CCDC171: variants seen among roughly 807,000 people sequenced by gnomAD.
CCDC171 encodes coiled-coil domain containing 171.
CCDC171 carries 177 observed loss-of-function variants against 168.2 expected under a neutral mutation model. The observed-to-expected ratio is 1.05, with a 90% CI of 0.93 to 1.19. CCDC171 has a LOEUF of 1.19. Ranked by LOEUF, CCDC171 falls within the 50% of genes most tolerant of loss-of-function variation. CCDC171 has a pLI of 0.00. For synonymous variants in CCDC171, 687 were observed against 540.8 expected (o/e 1.27, Z -3.75); for missense variants, 1,991 against 1,539.0 (o/e 1.29, Z -4.91).
intron 2 of CCDC171, among the ~76,000 whole-genome samples, chr9:15,568,550 G>T (rs146900939): frequency 6.6e-6 from 1 of 152,162 alleles, no homozygotes; most frequent in Non-Finnish European, 1.5e-5. Flanking sequence ...GATTACAGGC[G>T]TGAGCCACCG....
At chr9:15,988,669 C>A (rs1480127618) in intron 3 of CCDC171, among the ~76,000 whole-genome samples, 1 of 152,210 alleles carries the variant, frequency 6.6e-6, no homozygotes, top group East Asian at 1.9e-4. Context: ...CAGGGAATTC[C>A]CTTTCCTAGC....
chr9:15,717,842 A>G (rs996835763), intron 11 of CCDC171, among the ~76,000 whole-genome samples: 55 of 152,342 alleles, frequency 3.6e-4, no homozygotes, highest in African/African-American at 1.3e-3. Flanking sequence ...ATACCCGTGT[A>G]GTACACACGG....
intron 18 of CCDC171, among the ~76,000 whole-genome samples, chr9:15,768,980 T>C (rs1489049889): frequency 6.6e-6 from 1 of 152,164 alleles, no homozygotes; most frequent in Non-Finnish European, 1.5e-5. Flanking sequence ...CAGTCTCACC[T>C]CCCAATGCTG....
At chr9:15,956,987 C>A (rs900974684) in intron 25 of CCDC171, among the ~76,000 whole-genome samples, 1 of 149,682 alleles carries the variant, frequency 6.7e-6, no homozygotes, top group African/African-American at 2.5e-5. Flanking sequence ...TCAGTAGGGC[C>A]GAAAGAACTG....
At chr9:15,711,066 G>A (rs1469268639) in intron 11 of CCDC171, among the ~76,000 whole-genome samples, 3 of 152,096 alleles carry the variant, frequency 2.0e-5, no homozygotes, top group African/African-American at 4.8e-5. Context: ...CTGCAGTAAT[G>A]GAAATGTTCT....
upstream of CCDC171, among the ~76,000 whole-genome samples, chr9:16,040,818 T>G (rs1397584452): frequency 1.3e-5 from 2 of 152,158 alleles, no homozygotes; most frequent in Non-Finnish European, 2.9e-5. Flanking sequence ...TCTCTCTACT[T>G]CTGTACCCCA....
chr9:15,589,143 A>AGAGACTT (rs2041808708), intron 4 of CCDC171, among the ~76,000 whole-genome samples: 4 of 152,076 alleles, frequency 2.6e-5, no homozygotes, highest in Admixed American at 2.0e-4. Context: ...TCTAGTTTTG[A>AGAGACTT]GAGACTTCTT....
chr9:15,569,942 CTTAG>C (rs2040085946), intron 2 of CCDC171, among the ~76,000 whole-genome samples: 1 of 149,752 alleles, frequency 6.7e-6, no homozygotes, highest in Admixed American at 6.6e-5. Flanking sequence ...TTTTCGTTTT[CTTAG>C]TTTGTGTTTT....
intron 23 of CCDC171, 31 bp downstream of exon 23, chr9:15,848,978 T>G (rs993008682): frequency 1.9e-5 from 23 of 1,238,050 alleles, no homozygotes; most frequent in Non-Finnish European, 2.6e-5. Context: ...TATTGTTCAA[T>G]TTGTGTCATG....
chr9:15,691,750 C>G (rs1320024657), intron 10 of CCDC171, among the ~76,000 whole-genome samples: 1 of 151,956 alleles, frequency 6.6e-6, no homozygotes, highest in East Asian at 1.9e-4. Context: ...CAATGATGCT[C>G]ACTGCAGCTT....
intron 2 of CCDC171, among the ~76,000 whole-genome samples, chr9:15,569,850 A>AC (rs1563957730): frequency 1.4e-5 from 2 of 145,866 alleles, no homozygotes; most frequent in African/African-American, 5.1e-5. Flanking sequence ...AACAAACAAA[A>AC]AAAAAATTTC....
intron 7 of CCDC171, among the ~76,000 whole-genome samples, chr9:15,646,601 T>C (rs555560485): frequency 6.6e-6 from 1 of 151,842 alleles, no homozygotes; most frequent in African/African-American, 2.4e-5. Context: ...GGTTGTAATC[T>C]TAGTCTCTGA....
intron 25 of CCDC171, among the ~76,000 whole-genome samples, chr9:15,927,726 G>GA (rs915856691): frequency 3.3e-5 from 5 of 151,230 alleles, no homozygotes; most frequent in Non-Finnish European, 7.4e-5. Context: ...CAGTTAAGAT[G>GA]AAAAAAAGGG....
chr9:15,799,892 G>C (rs2058737339), intron 21 of CCDC171, among the ~76,000 whole-genome samples: 1 of 151,932 alleles, frequency 6.6e-6, no homozygotes, highest in Non-Finnish European at 1.5e-5. Flanking sequence ...TTCTGTACCT[G>C]GCTTATTTCA....
chr9:15,721,918 C>T, intron 12 of CCDC171, 43 bp downstream of exon 12: 1 of 1,049,222 alleles, frequency 9.5e-7, no homozygotes, highest in South Asian at 2.2e-5. Context: ...AGCCTTCGGC[C>T]TGTACCAGTA....
At chr9:15,725,397 G>A (rs76520964) in intron 14 of CCDC171, among the ~76,000 whole-genome samples, 1 of 152,114 alleles carries the variant, frequency 6.6e-6, no homozygotes, top group Non-Finnish European at 1.5e-5. Context: ...TATAAATGAT[G>A]TGGCTGTGGA....
In CCDC171 at chr9:15,611,485, G is replaced by A. The variant is rs185061926; in HGVS notation, c.676-11782G>A. ...CGATGTCTTTTTTCTTGGCCTGGTA[G>A]TTTCCCTAGAAAGAAATCTTTCCGT... On this transcript the variant is annotated intron_variant, in intron 6 of 25. Transcript: ENST00000380701. 3.6e-3 allele frequency among the ~76,000 whole-genome samples: 549 copies of A among 152,276 alleles called. 2 individuals are homozygous for A. The highest frequency in any genetic ancestry group is 0.01 in the Middle Eastern group (3 of 294).
At chr9:15,761,069 A>C (rs1195490601) in intron 18 of CCDC171, among the ~76,000 whole-genome samples, 3 of 152,194 alleles carry the variant, frequency 2.0e-5, no homozygotes, top group Non-Finnish European at 4.4e-5. Context: ...TCAAGATAGA[A>C]ACAAATGTGC....
intron 23 of CCDC171, among the ~76,000 whole-genome samples, chr9:15,866,112 A>T (rs1239271206): frequency 6.6e-6 from 1 of 152,040 alleles, no homozygotes; most frequent in African/African-American, 2.4e-5. Context: ...GATAAAGCTC[A>T]ATGAGGCAGG....
Sources: gnomAD v4.1 joint callset for allele counts (sites outside exome capture counted in the v4.1 genomes callset) on GRCh38, gnomAD v4.1.1 for gene constraint, MANE v1.5 for transcripts, NCBI Gene and HGNC (gene_info 2026-07-23, HGNC 2026-07-21) for gene names.